Variants in MPHOSPH8 observed in about 807,000 individuals in gnomAD.
MPHOSPH8 encodes the protein M-phase phosphoprotein 8.
In MPHOSPH8, 45 loss-of-function variants were observed where a neutral mutation model predicts 87.3. That is an observed-to-expected ratio of 0.52 (90% CI 0.41 to 0.66). The LOEUF is 0.66. Ranked by LOEUF, MPHOSPH8 falls within the 30% of genes least tolerant of loss-of-function variation. The pLI, the probability that MPHOSPH8 is intolerant of heterozygous loss-of-function variation, is 0.00. For missense variants in MPHOSPH8, 883 were observed against 1,020.2 expected, an observed-to-expected ratio of 0.87 and a Z score of 1.83; for synonymous variants, 366 against 376.9, an observed-to-expected ratio of 0.97 and a Z score of 0.33.
Position 19,642,389 on chromosome 13 carries a change from A to G in MPHOSPH8, c.369+119A>G, listed in dbSNP as rs1874344671. 3 of 871,972 alleles carry G rather than the reference A, an allele frequency of 3.4e-6. No homozygotes were observed. The South Asian group carries it at 8.4e-5, about 24-fold the overall frequency. The allele number at this position is 871,972 out of a possible 1,614,324, so 54.0% of individuals were successfully genotyped here. ...CAAAGTGTACCGTATTCTTTAGTGT[A>G]AATTCCATGTAGCCAATTCTCACAG... On this transcript the variant is annotated intron_variant, in intron 2 of 13. Transcript: ENST00000361479.
intron 12 of MPHOSPH8, 27 bp downstream of exon 12, chr13:19,670,390 A>C (rs775596897): frequency 6.2e-7 from 1 of 1,606,784 alleles, no homozygotes. Flanking sequence ...TTCACTACTG[A>C]AAAGTACATT....
chr13:19,668,023 C>T (rs930651434), intron 10 of MPHOSPH8, among the ~76,000 whole-genome samples: 8 of 152,230 alleles, frequency 5.3e-5, no homozygotes, highest in Non-Finnish European at 7.3e-5. Flanking sequence ...GAGTGACCCA[C>T]TTTCCTGATT....
intron 11 of MPHOSPH8, among the ~76,000 whole-genome samples, chr13:19,669,436 A>C (rs1593493519): frequency 6.6e-6 from 1 of 151,782 alleles, no homozygotes; most frequent in East Asian, 1.9e-4. Flanking sequence ...GCCCTGGTGA[A>C]CCTGAGCCCC....
chr13:19,636,506 A>G (rs1874016952), intron 1 of MPHOSPH8, among the ~76,000 whole-genome samples: 1 of 151,154 alleles, frequency 6.6e-6, no homozygotes, highest in African/African-American at 2.4e-5. Flanking sequence ...TTTTTGAGAC[A>G]GATTCTCTGT....
At position 19,672,967 on chromosome 13, in the gene MPHOSPH8, G is replaced by A. The variant is rs202089265; in HGVS notation, c.*1092G>A. 7.5e-6 allele frequency: 3 copies of A among 400,502 alleles called. No individual in the cohort carries two copies. In the East Asian group the frequency reaches 2.1e-4, roughly 28 times the overall value. The allele number at this position is 400,502 out of a possible 1,614,324, so 24.8% of individuals were successfully genotyped here. On this transcript the variant is annotated 3_prime_UTR_variant, in exon 14 of 14. Transcript: ENST00000361479. ...GATACTCAGGAGGCTGAGGTGAAAGGATTGCTTGAGCCAGGGAGGTCAAGG... is the reference window on the plus strand; with the variant it reads ...GATACTCAGGAGGCTGAGGTGAAAGAATTGCTTGAGCCAGGGAGGTCAAGG...
At position 19,661,826 on chromosome 13, in the gene MPHOSPH8, T is replaced by G. The variant is rs1875546255; in HGVS notation, c.1920T>G (p.His640Gln). The change falls in exon 8 of 14, where the codon CAT (histidine) becomes CAG (glutamine). Residue 640 changes from histidine to glutamine, a missense_variant. This residue lies in a region of MPHOSPH8 where 741 missense variants were observed against 841.5 expected (regional missense o/e 0.88). Transcript: ENST00000361479. ...RQKNGTTALI[H>Q]AAEKNFLTTV... ...AGAACGGGACCACCGCCCTCATTCATGCTGCAGAGAAGGTTTGTGGCTTCT... is the reference window on the plus strand; with the variant it reads ...AGAACGGGACCACCGCCCTCATTCAGGCTGCAGAGAAGGTTTGTGGCTTCT... The G allele has an allele frequency of 6.2e-7, 1 of 1,610,886 alleles. No homozygotes were observed. Among genetic ancestry groups the G allele is most frequent in the Non-Finnish European group, 8.5e-7 (1 of 1,178,354 alleles).
Position 19,646,647 on chromosome 13 carries a change from A to T in MPHOSPH8, c.574A>T (p.Ser192Cys). 1 of 1,590,092 alleles carries T rather than the reference A, an allele frequency of 6.3e-7. No individual in the cohort carries two copies. The highest frequency in any genetic ancestry group is 8.5e-7 in the Non-Finnish European group (1 of 1,174,622). The change falls in exon 3 of 14, where the codon AGT (serine) becomes TGT (cysteine). Residue 192 changes from serine to cysteine, a missense_variant. Physicochemically the swap from Ser to Cys is moderately radical, Grantham distance 112 (BLOSUM62 -1). Transcript: ENST00000361479. ...ACCAGACCTGGAGAGCTCCTTGGAA[A>T]GTTTAGTTTTTGATTTAAGGACAAA... ...SKPDLESSLE[S>C]LVFDLRTKKR...
intron 7 of MPHOSPH8, among the ~76,000 whole-genome samples, chr13:19,660,538 T>C (rs927019788): frequency 3.3e-5 from 5 of 152,178 alleles, no homozygotes; most frequent in African/African-American, 1.2e-4. Flanking sequence ...CATGAAATAA[T>C]ATAGATTGAG....
intron 1 of MPHOSPH8, among the ~76,000 whole-genome samples, chr13:19,635,076 ATTG>A (rs1228891121): frequency 2.0e-5 from 3 of 152,226 alleles, no homozygotes; most frequent in Admixed American, 6.5e-5. Context: ...TGTCATTAAT[ATTG>A]TTATTTGCAA....
At chr13:19,665,026 C>T (rs186460709) in intron 9 of MPHOSPH8, among the ~76,000 whole-genome samples, 2 of 152,154 alleles carry the variant, frequency 1.3e-5, no homozygotes, top group African/African-American at 2.4e-5. Flanking sequence ...AGAAGGCAGG[C>T]GGGAGTGCCC....
Position 19,671,471 on chromosome 13 carries a change from G to A in MPHOSPH8, c.2541+182G>A, listed in dbSNP as rs182986534. Among the ~76,000 whole-genome samples, 553 of 152,216 alleles carry A rather than the reference G, an allele frequency of 3.6e-3. 4 individuals carry two copies. The highest frequency in any genetic ancestry group is 0.01 in the Middle Eastern group (3 of 294). On this transcript the variant is annotated intron_variant, in intron 13 of 13. Transcript: ENST00000361479. ...TACAATGTGTTAGACATAATAATGC[G>A]GCAGGAAAAGAACTAGGTTGCAGCT...
chr13:19,657,121 CAAAA>C (rs11383127), intron 5 of MPHOSPH8, among the ~76,000 whole-genome samples: 2 of 70,082 alleles, frequency 2.9e-5, no homozygotes, highest in Non-Finnish European at 4.8e-5. Flanking sequence ...AACTCTGTCT[CAAAA>C]AAAAAAAAAA....
chr13:19,663,213 G>A (rs1360507549), intron 9 of MPHOSPH8, 87 bp downstream of exon 9: 1 of 1,194,164 alleles, frequency 8.4e-7, no homozygotes, highest in South Asian at 1.2e-5. Flanking sequence ...ACTGTGCTGG[G>A]GACTGAGAAC....
intron 2 of MPHOSPH8, among the ~76,000 whole-genome samples, chr13:19,644,782 T>G (rs1305810189): frequency 6.6e-6 from 1 of 152,242 alleles, no homozygotes; most frequent in African/African-American, 2.4e-5. Context: ...TGTCTTACTG[T>G]GTTAATCCAT....
intron 2 of MPHOSPH8, 56 bp from the exon 3 acceptor site, chr13:19,646,387 A>G (rs1874563446): frequency 7.6e-7 from 1 of 1,309,838 alleles, no homozygotes; most frequent in Non-Finnish European, 9.9e-7. Flanking sequence ...ACTACTTTTC[A>G]AAACCTTTAA....
At position 19,673,322 on chromosome 13, in the gene MPHOSPH8, AC is replaced by A; in HGVS notation, c.*1448del. On this transcript the variant is annotated 3_prime_UTR_variant, in exon 14 of 14. Transcript: ENST00000361479. ...TCATTAGTTTATAATTGTATGAAAT[AC>A]GATTTTAATGAAAACTTTTCAGAAT... The A allele has an allele frequency of 3.3e-6, 1 of 305,014 alleles. No homozygotes were observed. Among genetic ancestry groups the A allele is most frequent in the Non-Finnish European group, 6.5e-6 (1 of 153,190 alleles). 18.9% of individuals were successfully genotyped at this position (305,014 alleles called of 1,614,324 possible).
chr13:19,641,825 G>A (rs1013580278), intron 1 of MPHOSPH8, among the ~76,000 whole-genome samples: 2 of 151,950 alleles, frequency 1.3e-5, no homozygotes, highest in Admixed American at 1.3e-4. Flanking sequence ...GTAGAGACAA[G>A]GTTTCACCAT....
At chr13:19,635,869 G>A (rs1380107400) in intron 1 of MPHOSPH8, among the ~76,000 whole-genome samples, 1 of 152,156 alleles carries the variant, frequency 6.6e-6, no homozygotes, top group Non-Finnish European at 1.5e-5. Flanking sequence ...ACCAGGTGGA[G>A]GTAGGATCGT....
At chr13:19,648,811 A>AT (rs1874702345) in intron 4 of MPHOSPH8, among the ~76,000 whole-genome samples, 1 of 152,146 alleles carries the variant, frequency 6.6e-6, no homozygotes, top group African/African-American at 2.4e-5. Flanking sequence ...TTGAATACGC[A>AT]TTTTGGATCA....
Sources: allele counts gnomAD v4.1 joint callset (sites outside exome capture counted in the v4.1 genomes callset), GRCh38; gene constraint gnomAD v4.1.1; regional missense constraint gnomAD v4.1.1; transcripts MANE v1.5; gene names NCBI Gene and HGNC (gene_info 2026-07-23, HGNC 2026-07-21).